NUP188: variants seen among roughly 807,000 people sequenced by gnomAD.
NUP188 encodes the protein nucleoporin NUP188.
Under a neutral mutation model 223.0 loss-of-function variants are expected in NUP188, and 97 were observed. That is an observed-to-expected ratio of 0.43 (90% CI 0.37 to 0.51). The LOEUF (loss-of-function observed/expected upper bound fraction) is 0.51, where lower values mean the gene tolerates loss of function less well. Ranked by LOEUF, NUP188 falls within the 20% of genes least tolerant of loss-of-function variation. The probability of loss-of-function intolerance (pLI) is 0.00; values close to 1 mark genes in which losing one functional copy is unlikely to be tolerated. For synonymous variants in NUP188, 869 were observed against 828.0 expected (o/e 1.05, Z -0.85); for missense variants, 1,947 against 2,175.6 (o/e 0.89, Z 2.09).
chr9:128,964,265 G>A, intron 8 of NUP188: 1 of 373,894 alleles, frequency 2.7e-6, no homozygotes, highest in South Asian at 2.2e-5. Context: ...AATTGTCAGA[G>A]TTCTTTATAT....
At chr9:129,002,049 A>G (rs1050604133) in intron 36 of NUP188, 73 bp downstream of exon 36, 14 of 1,227,422 alleles carry the variant, frequency 1.1e-5, no homozygotes, top group Non-Finnish European at 1.4e-5. Context: ...GTCCTCCCCT[A>G]CCTTTCCCCG....
At chr9:128,986,761 G>A (rs756959611) in intron 21 of NUP188, 48 bp from the exon 22 acceptor site, 11 of 1,613,448 alleles carry the variant, frequency 6.8e-6, no homozygotes, top group Middle Eastern at 1.7e-4. Context: ...TGAGATAAGG[G>A]GTCATTTCAC....
Position 128,987,740 on chromosome 9 carries a change from C to T in NUP188, c.2393+23C>T, listed in dbSNP as rs369030640. 12 of 1,607,668 alleles carry T rather than the reference C, an allele frequency of 7.5e-6. No homozygotes were observed. The African/African-American group carries it at 1.2e-4, about 16-fold the overall frequency. On this transcript the variant is annotated intron_variant, in intron 23 of 43. Coordinates refer to ENST00000372577, the MANE Select transcript of NUP188 (RefSeq NM_015354.3). The stretch of plus-strand genomic sequence containing the variant: ...AAGGTAGGGCTCCTTCTCCACGTTC[C>T]CTTTGTCTGTCTTTATTGTGCCTGC...
At chr9:128,957,910 A>G in intron 5 of NUP188, 100 bp from the exon 6 acceptor site, 1 of 874,706 alleles carries the variant, frequency 1.1e-6, no homozygotes, top group Admixed American at 2.5e-5. Context: ...ACAAATGTGC[A>G]ATTATAATCT....
intron 6 of NUP188, 70 bp from the exon 7 acceptor site, chr9:128,958,732 T>C: frequency 4.1e-6 from 3 of 735,594 alleles, no homozygotes; most frequent in Non-Finnish European, 6.4e-6. Flanking sequence ...AGTGAAATTA[T>C]CACTAAATTT....
chr9:128,966,967 A>G (rs375852048), intron 8 of NUP188, among the ~76,000 whole-genome samples: 2 of 152,302 alleles, frequency 1.3e-5, no homozygotes, highest in East Asian at 3.9e-4. Context: ...GCATATCCAC[A>G]TAATGAATTA....
intron 25 of NUP188, 79 bp downstream of exon 25, chr9:128,990,305 C>T: frequency 9.0e-7 from 1 of 1,106,200 alleles, no homozygotes; most frequent in Non-Finnish European, 1.4e-6. Flanking sequence ...CATGCTCAGG[C>T]CACGTGCAGC....
At chr9:128,965,690 T>G (rs1267953478) in intron 8 of NUP188, among the ~76,000 whole-genome samples, 1 of 151,096 alleles carries the variant, frequency 6.6e-6, no homozygotes, top group Non-Finnish European at 1.5e-5. Flanking sequence ...TGAGCTCAGG[T>G]GATCCGGCCC....
Position 128,990,123 on chromosome 9 carries a change from C to T in NUP188, c.2537C>T (p.Ala846Val), listed in dbSNP as rs1416590914. ...ACTGTTTCCTGTGCTGCTTTAGGTG[C>T]TCATGGAAACAACCTCATTGCTGTT... ...PLEQALSQHGAHGNNLIAVLA... is the reference protein window; with the variant it reads ...PLEQALSQHGVHGNNLIAVLA... Residue 846 changes from alanine to valine, a missense_variant, in exon 25 of 44, where the codon GCT (alanine) becomes GTT (valine). Coordinates refer to ENST00000372577, the MANE Select transcript of NUP188 (RefSeq NM_015354.3). 3.1e-6 allele frequency: 5 copies of T among 1,610,750 alleles called. No individual in the cohort carries two copies. In the Admixed American group the frequency reaches 8.3e-5, roughly 27 times the overall value.
chr9:128,987,335 A>T (rs1842352579), intron 22 of NUP188, among the ~76,000 whole-genome samples: 1 of 152,006 alleles, frequency 6.6e-6, no homozygotes, highest in South Asian at 2.1e-4. Flanking sequence ...TATGCATTCC[A>T]TCATATGGAT....
At position 129,007,059 on chromosome 9, in the gene NUP188, G is replaced by A. The variant is rs1353625900; in HGVS notation, c.*381G>A. On this transcript the variant is annotated 3_prime_UTR_variant, in exon 44 of 44. Transcript: ENST00000372577. ...TCTTTGCAGTTTTGGTAATTCTGTG[G>A]TCTATTTATACAGATATTAAAATCT... 1 of 181,788 alleles carries A rather than the reference G, an allele frequency of 5.5e-6. No homozygotes were observed. The highest frequency in any genetic ancestry group is 2.4e-5 in the African/African-American group (1 of 42,316). The allele number at this position is 181,788 out of a possible 1,614,324, so 11.3% of individuals were successfully genotyped here.
intron 19 of NUP188, 54 bp from the exon 20 acceptor site, chr9:128,984,845 TC>T (rs1490667304): frequency 1.6e-6 from 2 of 1,245,904 alleles, no homozygotes; most frequent in African/African-American, 3.0e-5. Context: ...ATGATTAGTT[TC>T]TTGAAACCTT....
chr9:128,993,010 G>C (rs1005794229), intron 25 of NUP188, 187 bp from the exon 26 acceptor site: 96 of 594,986 alleles, frequency 1.6e-4, no homozygotes, highest in South Asian at 2.6e-4. Flanking sequence ...ACTGATTACT[G>C]TCTTTCCTGT....
Position 129,001,957 on chromosome 9 carries a change from G to A in NUP188, c.4118G>A (p.Ser1373Asn), listed in dbSNP as rs1271773740. The change falls in exon 36 of 44, where the codon AGC (serine) becomes AAC (asparagine). Residue 1373 changes from serine to asparagine, a missense_variant. Around this residue, in one of 3 missense-constraint regions of NUP188, gnomAD observed 905 missense variants for 990.6 expected, o/e 0.91. Transcript: ENST00000372577. ...CCCCTTCTGAGTGTGTACCAGCTGA[G>A]CACCAACGGCACAGCACAGGTGAGT... is the stretch of plus-strand genomic sequence containing the variant. ...CLPLLSVYQL[S>N]TNGTAQTPSA... 1.9e-6 allele frequency: 3 copies of A among 1,614,018 alleles called. No individual in the cohort carries two copies. The highest frequency in any genetic ancestry group is 2.5e-6 in the Non-Finnish European group (3 of 1,179,998).
intron 8 of NUP188, among the ~76,000 whole-genome samples, chr9:128,966,588 T>C (rs1842034240): frequency 6.6e-6 from 1 of 152,170 alleles, no homozygotes; most frequent in South Asian, 2.1e-4. Flanking sequence ...TCTGACCACC[T>C]TGGCCTCCCA....
chr9:128,962,400 C>G (rs1485493200), intron 8 of NUP188, among the ~76,000 whole-genome samples: 2 of 152,076 alleles, frequency 1.3e-5, no homozygotes, highest in Non-Finnish European at 2.9e-5. Context: ...AGGCGCCCAC[C>G]ACCACGCCCA....
chr9:128,955,987 C>CTTT (rs1564549958), intron 3 of NUP188, among the ~76,000 whole-genome samples: 2 of 151,310 alleles, frequency 1.3e-5, no homozygotes, highest in African/African-American at 2.4e-5. Context: ...AGTTATTTAC[C>CTTT]CTAAGTGCTG....
intron 38 of NUP188, 153 bp from the exon 39 acceptor site, chr9:129,004,990 AGGAG>A: frequency 1.5e-6 from 1 of 659,216 alleles, no homozygotes; most frequent in Non-Finnish European, 2.7e-6. Flanking sequence ...GCATGAGGGA[AGGAG>A]GGAGAGAAGG....
chr9:128,958,145 C>G, intron 6 of NUP188, 91 bp downstream of exon 6: 1 of 995,066 alleles, frequency 1.0e-6, no homozygotes, highest in Non-Finnish European at 1.6e-6. Flanking sequence ...GCTTTTGACT[C>G]TTTGTTGGGT....
Sources: gnomAD v4.1 joint callset for allele counts (sites outside exome capture counted in the v4.1 genomes callset) on GRCh38, gnomAD v4.1.1 for gene constraint, gnomAD v4.1.1 regional missense constraint, MANE v1.5 for transcripts, NCBI Gene and HGNC (gene_info 2026-07-23, HGNC 2026-07-21) for gene names.